The following PLCG2 variants were observed in gnomAD, a reference collection of about 807,000 sequenced individuals.
The protein encoded by PLCG2 is phospholipase C gamma 2.
A neutral mutation model predicts 175.6 loss-of-function variants in PLCG2; 69 were observed. That is an observed-to-expected ratio of 0.39 (90% CI 0.32 to 0.48). PLCG2 has a LOEUF of 0.48. Ranked by LOEUF, PLCG2 falls within the 20% of genes least tolerant of loss-of-function variation. PLCG2 has a pLI of 0.91. For missense variants in PLCG2, 1,798 were observed against 1,650.9 expected (o/e 1.09, Z -1.54); for synonymous variants, 827 against 624.0 (o/e 1.33, Z -4.85).
At chr16:81,774,757 T>TG (rs1429379216), upstream of PLCG2, among the ~76,000 whole-genome samples, 13 of 151,024 alleles carry the variant, frequency 8.6e-5, no homozygotes, top group Admixed American at 5.9e-4. Context: ...TTTTTTTTTT[T>TG]GGTCAGGGTC....
In PLCG2 at chr16:81,910,529, C is replaced by A; in HGVS notation, c.1743C>A (p.Gly581=). Reference sequence around the variant, plus strand: ...CGTCCTCTCCCCGCAGGCGGTCAGGCCGGGTCCAGCACTGCCGGATCCGCT... The same window carrying A: ...CGTCCTCTCCCCGCAGGCGGTCAGGACGGGTCCAGCACTGCCGGATCCGCT... ...NDYTLSFWRS[G]RVQHCRIRST... Residue 581 remains glycine (G), a synonymous_variant, in exon 18 of 33, where the codon GGC becomes GGA. Transcript: ENST00000564138. 6.2e-7 allele frequency: 1 copy of A among 1,613,878 alleles called. No individual in the cohort carries two copies. Among genetic ancestry groups the A allele is most frequent in the East Asian group, 2.2e-5 (1 of 44,886 alleles).
intron 2 of PLCG2, among the ~76,000 whole-genome samples, chr16:81,791,847 G>C (rs1036284582): frequency 1.3e-5 from 2 of 152,294 alleles, no homozygotes; most frequent in African/African-American, 4.8e-5. Flanking sequence ...TTACAGGCAT[G>C]AACCACTGCA....
At chr16:81,928,129 G>A (rs1910353265) in intron 23 of PLCG2, among the ~76,000 whole-genome samples, 1 of 152,124 alleles carries the variant, frequency 6.6e-6, no homozygotes, top group East Asian at 1.9e-4. Context: ...GGCTCTGAAA[G>A]TCTTAAAAGC....
intron 28 of PLCG2, 102 bp downstream of exon 28, chr16:81,938,005 G>A: frequency 9.2e-7 from 1 of 1,084,190 alleles, no homozygotes; most frequent in Non-Finnish European, 1.3e-6. Flanking sequence ...AGGGAGGCTG[G>A]TTGTCTTGTT....
At chr16:81,922,675 T>C (rs1371584312) in intron 21 of PLCG2, among the ~76,000 whole-genome samples, 1 of 152,132 alleles carries the variant, frequency 6.6e-6, no homozygotes, top group Non-Finnish European at 1.5e-5. Context: ...GAGGAAAAAT[T>C]TTACTAGGTT....
At chr16:81,942,531 T>G (rs892653298) in intron 30 of PLCG2, among the ~76,000 whole-genome samples, 1 of 152,126 alleles carries the variant, frequency 6.6e-6, no homozygotes, top group African/African-American at 2.4e-5. Context: ...ACTTCACCCA[T>G]TGTCATTAGA....
At chr16:81,957,611 G>C (rs1287415330) in intron 32 of PLCG2, among the ~76,000 whole-genome samples, 1 of 152,080 alleles carries the variant, frequency 6.6e-6, no homozygotes, top group Non-Finnish European at 1.5e-5. Context: ...GTTGCCAAGT[G>C]TTTCATAATA....
At chr16:81,744,407 C>T (rs1043258058) in intron 1 of PLCG2, among the ~76,000 whole-genome samples, 2 of 152,140 alleles carry the variant, frequency 1.3e-5, no homozygotes, top group African/African-American at 4.8e-5. Context: ...TCTTGATCTG[C>T]CCGCCTTGCC....
chr16:81,898,661 G>C (rs1292366364), intron 13 of PLCG2: 1 of 152,208 alleles, frequency 6.6e-6, no homozygotes, highest in Non-Finnish European at 1.5e-5. Flanking sequence ...ACAAGCCTCA[G>C]ATGGATTCTT....
intron 2 of PLCG2, among the ~76,000 whole-genome samples, chr16:81,817,265 A>AT (rs1904593994): frequency 6.6e-6 from 1 of 152,230 alleles, no homozygotes; most frequent in African/African-American, 2.4e-5. Flanking sequence ...AGGACTATGC[A>AT]TCCATCCCCC....
At chr16:81,893,102 GC>G (rs1213323776) in intron 11 of PLCG2, among the ~76,000 whole-genome samples, 1 of 152,084 alleles carries the variant, frequency 6.6e-6, no homozygotes, top group African/African-American at 2.4e-5. Context: ...CTCGTGATCT[GC>G]CCGCCTCAGC....
intron 31 of PLCG2, among the ~76,000 whole-genome samples, chr16:81,950,372 G>A (rs1480704898): frequency 1.3e-5 from 2 of 151,990 alleles, no homozygotes; most frequent in Non-Finnish European, 2.9e-5. Flanking sequence ...TTTTCTAAAG[G>A]GATATAAAAG....
At position 81,895,917 on chromosome 16, in the gene PLCG2, G is replaced by A; in HGVS notation, c.1183G>A (p.Val395Ile). The A allele has an allele frequency of 2.5e-6, 4 of 1,614,108 alleles. No homozygotes were observed. The highest frequency in any genetic ancestry group is 3.4e-6 in the Non-Finnish European group (4 of 1,180,016). Residue 395 changes from valine to isoleucine, a missense_variant, in exon 13 of 33, where the codon GTT (valine) becomes ATT (isoleucine). By Grantham distance (29) the Val-to-Ile change is conservative (BLOSUM62 3). Coordinates refer to ENST00000564138, the MANE Select transcript of PLCG2 (RefSeq NM_002661.5). ...GCAGGCCATCAAAGACCACGCCTTT[G>A]TTACCTCGAGGTCAGTTGGCTGATT... Reference protein sequence around the residue: ...VVQAIKDHAFVTSSFPVILSI... With the variant: ...VVQAIKDHAFITSSFPVILSI...
rs80194345 is a variant in PLCG2, at chr16:81,841,016, A to G, written c.194-13428A>G. Reference sequence around the variant, plus strand: ...ATCTATTGAATAGTTCTGCATGAATATGAAGCATTAGAATCACAGACCTAA... The same window carrying G: ...ATCTATTGAATAGTTCTGCATGAATGTGAAGCATTAGAATCACAGACCTAA... On this transcript the variant is annotated intron_variant, in intron 2 of 32. Transcript: ENST00000564138. 8.0e-3 allele frequency among the ~76,000 whole-genome samples: 1,212 copies of G among 152,292 alleles called. 13 individuals carry two copies. Among genetic ancestry groups the G allele is most frequent in the African/African-American group, 0.028 (1,152 of 41,548 alleles).
chr16:81,951,795 T>C (rs888105264), intron 31 of PLCG2, among the ~76,000 whole-genome samples: 3 of 152,106 alleles, frequency 2.0e-5, no homozygotes, highest in Non-Finnish European at 2.9e-5. Context: ...AAATTAAATA[T>C]GAAAAAAGCA....
At chr16:81,862,311 C>A (rs181143662) in intron 5 of PLCG2, among the ~76,000 whole-genome samples, 8 of 152,344 alleles carry the variant, frequency 5.3e-5, no homozygotes, top group Non-Finnish European at 1.2e-4. Flanking sequence ...TTTGACTTTT[C>A]TAGAGGCAAA....
chr16:81,871,540 A>G (rs1031647503), intron 7 of PLCG2, among the ~76,000 whole-genome samples: 1 of 151,978 alleles, frequency 6.6e-6, no homozygotes, highest in Non-Finnish European at 1.5e-5. Context: ...GTTTTGCCGC[A>G]TTGGGTGGGC....
At chr16:81,860,983 GCAAAACAAAACCAAC>G (rs1906951645) in intron 5 of PLCG2, among the ~76,000 whole-genome samples, 1 of 151,672 alleles carries the variant, frequency 6.6e-6, no homozygotes, top group African/African-American at 2.4e-5. Context: ...TCTCAAAAAA[GCAAAACAAAACCAAC>G]CAAACAAAAA....
chr16:81,893,175 A>C (rs4420523), intron 11 of PLCG2, among the ~76,000 whole-genome samples: 52,818 of 151,970 alleles, frequency 0.35, 11,072 homozygotes, highest in East Asian at 0.73. Context: ...CACAAATTTT[A>C]AAAAAGTTGG....
Sources: gnomAD v4.1 joint callset for allele counts (sites outside exome capture counted in the v4.1 genomes callset) on GRCh38, gnomAD v4.1.1 for gene constraint, MANE v1.5 for transcripts, NCBI Gene and HGNC (gene_info 2026-07-23, HGNC 2026-07-21) for gene names.